ARHGAP12: variants seen among roughly 807,000 people sequenced by gnomAD.
ARHGAP12 encodes the protein Rho GTPase activating protein 12.
A neutral mutation model predicts 108.6 loss-of-function variants in ARHGAP12; 64 were observed. That is an observed-to-expected ratio of 0.59 (90% CI 0.48 to 0.73). The LOEUF (loss-of-function observed/expected upper bound fraction) is 0.73, where lower values mean the gene tolerates loss of function less well. Among genes scored for constraint, ARHGAP12 ranks in the 30% least tolerant of loss-of-function variants. The probability of loss-of-function intolerance (pLI) is 0.00; values close to 1 mark genes in which losing one functional copy is unlikely to be tolerated. For synonymous variants in ARHGAP12, 312 were observed against 337.2 expected (o/e 0.93, Z 0.82); for missense variants, 940 against 1,005.9 (o/e 0.93, Z 0.89).
chr10:31,922,855 A>C (rs1839876882), intron 1 of ARHGAP12, among the ~76,000 whole-genome samples: 1 of 152,156 alleles, frequency 6.6e-6, no homozygotes, highest in African/African-American at 2.4e-5. Flanking sequence ...AGGTTAGGCA[A>C]GGTAGCTCAC....
chr10:31,814,882 C>T (rs1835144303), intron 13 of ARHGAP12, among the ~76,000 whole-genome samples: 2 of 151,948 alleles, frequency 1.3e-5, no homozygotes, highest in African/African-American at 4.8e-5. Context: ...CTTTGGGAGG[C>T]CAAGGCAGGC....
chr10:31,852,865 T>C (rs1373193520), intron 5 of ARHGAP12, among the ~76,000 whole-genome samples: 1 of 151,586 alleles, frequency 6.6e-6, no homozygotes, highest in East Asian at 1.9e-4. Context: ...TAGCTGGGAT[T>C]ACAGGCATGT....
In ARHGAP12 at chr10:31,809,091, A is replaced by G. The variant is rs746366175; in HGVS notation, c.2166T>C (p.Asp722=). ...KLDLNDSKWE[D]IHVITGALKM... ...TGAGGGCTCCAGTAATGACATGAAT[A>G]TCTTCCCATTTACTGTCATTCAAGT... Residue 722 remains aspartate, a synonymous_variant, in exon 18 of 20, where the codon GAT becomes GAC. Coordinates refer to ENST00000344936, the MANE Select transcript of ARHGAP12 (RefSeq NM_018287.7). 1 of 1,613,564 alleles carries G rather than the reference A, an allele frequency of 6.2e-7. No individual in the cohort carries two copies.
intron 1 of ARHGAP12, among the ~76,000 whole-genome samples, chr10:31,914,401 A>T (rs1334589831): frequency 6.6e-6 from 1 of 152,124 alleles, no homozygotes; most frequent in Non-Finnish European, 1.5e-5. Flanking sequence ...ACATCTGACA[A>T]GGGGCTAACA....
chr10:31,882,918 T>C (rs1838036050), intron 3 of ARHGAP12, among the ~76,000 whole-genome samples: 2 of 151,806 alleles, frequency 1.3e-5, no homozygotes, highest in Non-Finnish European at 2.9e-5. Flanking sequence ...AGATACTAGA[T>C]ATCCCTCTTA....
rs190812975 is a variant in ARHGAP12, at chr10:31,829,394, A to G, written c.1448+2345T>C. On this transcript the variant is annotated intron_variant, in intron 10 of 19. Transcript: ENST00000344936. ...GCGTTATGAGATGAAAAGGTTTTAG[A>G]GATCTGTTGCACAACAATGTGAATA... Among the ~76,000 whole-genome samples the G allele has an allele frequency of 2.0e-5, 3 of 152,306 alleles. No homozygotes were observed. In the East Asian group the frequency reaches 5.8e-4, roughly 29 times the overall value.
intron 1 of ARHGAP12, among the ~76,000 whole-genome samples, chr10:31,923,338 G>C (rs1327276152): frequency 6.6e-6 from 1 of 152,170 alleles, no homozygotes; most frequent in African/African-American, 2.4e-5. Context: ...TGCAGGGCCA[G>C]TGGAACTCAC....
rs1311225036 is a variant in ARHGAP12 at position 31,805,648 on chromosome 10, T to TCTCA, written c.*2009_*2010insTGAG. 6.9e-6 allele frequency: 1 copy of TCTCA among 144,090 alleles called. No homozygotes were observed. The highest frequency in any genetic ancestry group is 6.9e-5 in the Admixed American group (1 of 14,526). The allele number at this position is 144,090 out of a possible 1,614,324, so 8.9% of individuals were successfully genotyped here. A position where few individuals can be genotyped will look rare whatever the true frequency, so the allele number is the denominator to read the frequency against. ...GTAGACTAATAAAACATTTAAGACTTCACACACACACACACACACACACAC... is the reference window on the plus strand; with the variant it reads ...GTAGACTAATAAAACATTTAAGACTTCTCACACACACACACACACACACACACAC... On this transcript the variant is annotated 3_prime_UTR_variant, in exon 20 of 20. Transcript: ENST00000344936.
chr10:31,864,601 C>A (rs375563036), intron 3 of ARHGAP12, among the ~76,000 whole-genome samples: 5 of 152,012 alleles, frequency 3.3e-5, no homozygotes, highest in African/African-American at 1.2e-4. Flanking sequence ...ATGACAAACA[C>A]GAACAAAAGT....
chr10:31,849,057 TA>T (rs776665652), intron 6 of ARHGAP12, among the ~76,000 whole-genome samples: 2,777 of 143,418 alleles, frequency 0.019, 26 homozygotes, highest in Non-Finnish European at 0.027. Flanking sequence ...GACTCGTCTT[TA>T]AAAAAAAAAA....
intron 6 of ARHGAP12, among the ~76,000 whole-genome samples, chr10:31,844,203 TTTTG>T (rs1400261179): frequency 2.6e-5 from 4 of 152,202 alleles, no homozygotes; most frequent in African/African-American, 7.2e-5. Flanking sequence ...AGAGAAGGTG[TTTTG>T]TTTAATTTTA....
intron 4 of ARHGAP12, 106 bp from the exon 5 acceptor site, chr10:31,854,312 TTAAATA>T: frequency 1.1e-6 from 1 of 950,722 alleles, no homozygotes; most frequent in Non-Finnish European, 1.5e-6. Context: ...TGAAGATATC[TTAAATA>T]TATCTGAATA....
rs1301302001 is a variant in ARHGAP12 at position 31,806,300 on chromosome 10, G to GA, written c.*1357dup. 9.8e-5 allele frequency: 15 copies of GA among 152,578 alleles called. No homozygotes were observed. In the South Asian group the frequency reaches 1.7e-3, roughly 17 times the overall value. The allele number at this position is 152,578 out of a possible 1,614,324, so 9.5% of individuals were successfully genotyped here. On this transcript the variant is annotated 3_prime_UTR_variant, in exon 20 of 20. Coordinates refer to ENST00000344936, the MANE Select transcript of ARHGAP12 (RefSeq NM_018287.7). ...GAAACCAAAATGCACATTTCCAATG[G>GA]AAAAATCTCTAAACCTCTTATAGTT...
chr10:31,835,981 T>A (rs922363666), intron 9 of ARHGAP12, among the ~76,000 whole-genome samples: 1 of 152,182 alleles, frequency 6.6e-6, no homozygotes, highest in African/African-American at 2.4e-5. Context: ...CCCTTTAAAA[T>A]GGTTACTGGT....
rs548299966 is a variant in ARHGAP12 at position 31,908,935 on chromosome 10, T to C, written c.-71-9A>G. 2.3e-6 allele frequency: 3 copies of C among 1,309,848 alleles called. No individual in the cohort carries two copies. Among genetic ancestry groups the C allele is most frequent in the South Asian group, 2.9e-5 (2 of 68,848 alleles). The allele number at this position is 1,309,848 out of a possible 1,614,324, so 81.1% of individuals were successfully genotyped here. Reference sequence around the variant, plus strand: ...TTGTTGGATGAATATAGCTGTTTTATTTAAATGGAGAAAGAGAATGAAGAA... The same window carrying C: ...TTGTTGGATGAATATAGCTGTTTTACTTAAATGGAGAAAGAGAATGAAGAA... On this transcript the variant is annotated splice_polypyrimidine_tract_variant and intron_variant, in intron 2 of 19. Coordinates refer to ENST00000344936, the MANE Select transcript of ARHGAP12 (RefSeq NM_018287.7).
chr10:31,816,244 A>G (rs1835202258), intron 13 of ARHGAP12, among the ~76,000 whole-genome samples: 1 of 146,268 alleles, frequency 6.8e-6, no homozygotes, highest in Admixed American at 6.9e-5. Flanking sequence ...TTATTCCCTG[A>G]GCCTGTAGGT....
chr10:31,916,345 C>G (rs925178003), intron 1 of ARHGAP12, among the ~76,000 whole-genome samples: 1 of 152,148 alleles, frequency 6.6e-6, no homozygotes, highest in African/African-American at 2.4e-5. Context: ...ACCACCACCC[C>G]CGACACACAC....
At chr10:31,831,717 C>T in intron 10 of ARHGAP12, 22 bp downstream of exon 10, 1 of 1,491,292 alleles carries the variant, frequency 6.7e-7, no homozygotes. Context: ...CATGTAAGAA[C>T]ATTAAAGACT....
At chr10:31,840,925 TTAAG>T (rs200391462) in intron 7 of ARHGAP12, among the ~76,000 whole-genome samples, 2,017 of 152,266 alleles carry the variant, frequency 0.013, 42 homozygotes, top group African/African-American at 0.046. Flanking sequence ...CAAATCTCAC[TTAAG>T]TATTTTTTTC....
Sources: gnomAD v4.1 joint callset for allele counts (sites outside exome capture counted in the v4.1 genomes callset) on GRCh38, gnomAD v4.1.1 for gene constraint, MANE v1.5 for transcripts, NCBI Gene and HGNC (gene_info 2026-07-23, HGNC 2026-07-21) for gene names.